ROBO2: variants seen among roughly 807,000 people sequenced by gnomAD.
ROBO2 encodes roundabout guidance receptor 2, also known as roundabout homolog 2.
In ROBO2, 53 loss-of-function variants were observed where a neutral mutation model predicts 160.8. The ratio of observed to expected loss-of-function variants is 0.33; its 90% CI spans 0.26 to 0.41. The LOEUF is 0.41. Ranked by LOEUF, ROBO2 falls within the 10% of genes least tolerant of loss-of-function variation. ROBO2 has a pLI of 1.00. For synonymous variants in ROBO2, 664 were observed against 611.7 expected (o/e 1.09, Z -1.26); for missense variants, 1,577 against 1,722.4 (o/e 0.92, Z 1.49).
chr3:77,078,909 T>C (rs2068312701), intron 1 of ROBO2, among the ~76,000 whole-genome samples: 2 of 152,130 alleles, frequency 1.3e-5, no homozygotes, highest in Admixed American at 6.6e-5. Flanking sequence ...CTTGCCAGAA[T>C]TGTAGAAATA....
chr3:76,686,800 A>G (rs904163371), intron 2 of ROBO2, among the ~76,000 whole-genome samples: 2 of 152,128 alleles, frequency 1.3e-5, no homozygotes, highest in African/African-American at 4.8e-5. Context: ...ATCTCAAAAA[A>G]GAAAAAGAAA....
At chr3:77,145,499 G>A (rs1157566157) in intron 2 of ROBO2, among the ~76,000 whole-genome samples, 1 of 152,024 alleles carries the variant, frequency 6.6e-6, no homozygotes, top group Non-Finnish European at 1.5e-5. Flanking sequence ...ATTAACAGAG[G>A]CATTATTTTT....
At chr3:77,322,715 G>T (rs2064849486) in intron 2 of ROBO2, among the ~76,000 whole-genome samples, 1 of 143,380 alleles carries the variant, frequency 7.0e-6, no homozygotes, top group South Asian at 2.1e-4. Context: ...TATGAAACAA[G>T]AACATAGGTC....
At chr3:77,248,609 C>G (rs1304181385) in intron 2 of ROBO2, among the ~76,000 whole-genome samples, 1 of 152,154 alleles carries the variant, frequency 6.6e-6, no homozygotes, top group African/African-American at 2.4e-5. Flanking sequence ...CCAGCTCCTG[C>G]GCTCGCTCAC....
At chr3:76,133,531 G>A (rs1401344952) in intron 2 of ROBO2, among the ~76,000 whole-genome samples, 5 of 152,030 alleles carry the variant, frequency 3.3e-5, no homozygotes, top group Admixed American at 6.6e-5. Context: ...ACAACAGGCC[G>A]TCTGCAAGCT....
At chr3:77,257,275 T>C (rs1321332475) in intron 2 of ROBO2, among the ~76,000 whole-genome samples, 1 of 152,178 alleles carries the variant, frequency 6.6e-6, no homozygotes, top group African/African-American at 2.4e-5. Context: ...AAACAAGATA[T>C]AGCCCAGTGG....
intron 2 of ROBO2, among the ~76,000 whole-genome samples, chr3:76,633,658 T>C (rs2090155273): frequency 6.6e-6 from 1 of 152,192 alleles, no homozygotes; most frequent in Admixed American, 6.5e-5. Flanking sequence ...CTTTCTTCCA[T>C]GGAATGTAGG....
intron 2 of ROBO2, among the ~76,000 whole-genome samples, chr3:76,780,268 G>A (rs1360183241): frequency 6.7e-6 from 1 of 149,032 alleles, no homozygotes; most frequent in Non-Finnish European, 1.5e-5. Context: ...GAGTTTTGTT[G>A]GTTTTGTTTT....
intron 12 of ROBO2, among the ~76,000 whole-genome samples, chr3:77,566,535 C>T (rs530345300): frequency 2.0e-5 from 3 of 152,066 alleles, no homozygotes; most frequent in African/African-American, 7.2e-5. Flanking sequence ...TACCTTTGTG[C>T]ATAGAAATAG....
At chr3:76,017,923 G>A (rs764488578) in intron 2 of ROBO2, among the ~76,000 whole-genome samples, 2 of 152,026 alleles carry the variant, frequency 1.3e-5, no homozygotes, top group Admixed American at 1.3e-4. Flanking sequence ...CCTTTTTAAT[G>A]TGAAGAAAAA....
At chr3:77,042,855 A>G (rs1014241433) in intron 1 of ROBO2, among the ~76,000 whole-genome samples, 4 of 152,176 alleles carry the variant, frequency 2.6e-5, no homozygotes, top group African/African-American at 9.7e-5. Flanking sequence ...CTGGGCCACA[A>G]TTATGCAGCA....
chr3:76,000,484 C>T (rs568666620), intron 2 of ROBO2, among the ~76,000 whole-genome samples: 24 of 130,994 alleles, frequency 1.8e-4, no homozygotes, highest in South Asian at 8.3e-4. Context: ...CATGATTGTG[C>T]GCTTATTTTT....
rs984824094 is a variant in ROBO2, at chr3:76,894,577, T to C, written c.110-203437T>C. 2.0e-5 allele frequency among the ~76,000 whole-genome samples: 3 copies of C among 152,126 alleles called. No homozygotes were observed. In the South Asian group the frequency reaches 6.2e-4, roughly 32 times the overall value. ...TTGCTTGTCATTGGTAGTATTGCCA[T>C]ATAAAAAGATATCTGACAAGGAAAT... On this transcript the variant is annotated intron_variant, in intron 2 of 26. Coordinates refer to the ROBO2 transcript ENST00000487694.
intron 2 of ROBO2, among the ~76,000 whole-genome samples, chr3:76,247,870 G>A (rs941683888): frequency 5.9e-5 from 9 of 151,304 alleles, no homozygotes; most frequent in African/African-American, 2.2e-4. Flanking sequence ...CATTTATGCA[G>A]CCAAAAAACA....
intron 2 of ROBO2, among the ~76,000 whole-genome samples, chr3:75,941,899 C>A (rs1352885736): frequency 6.6e-6 from 1 of 152,080 alleles, no homozygotes; most frequent in Non-Finnish European, 1.5e-5. Flanking sequence ...CATTGTTACA[C>A]ATCCAAGTTT....
exon 26 of ROBO2, chr3:77,646,095 T>C: frequency 1.3e-6 from 2 of 1,556,058 alleles, no homozygotes; most frequent in Non-Finnish European, 1.8e-6. Context: ...TGAAGGACCA[T>C]CAGGTCCGGA....
At chr3:76,407,771 AGC>A (rs1183845295) in intron 2 of ROBO2, among the ~76,000 whole-genome samples, 10 of 152,068 alleles carry the variant, frequency 6.6e-5, no homozygotes, top group Non-Finnish European at 8.8e-5. Context: ...TTTTAAGGGA[AGC>A]ATGTGTTATA....
At chr3:76,628,779 T>C (rs72886462) in intron 2 of ROBO2, among the ~76,000 whole-genome samples, 3,052 of 152,312 alleles carry the variant, frequency 0.02, 94 homozygotes, top group African/African-American at 0.069. Flanking sequence ...GTTTTTGCCA[T>C]TGTTCATCTG....
Position 77,410,783 on chromosome 3 carries a change from C to T in ROBO2, c.389-66631C>T, listed in dbSNP as rs188327159. Among the ~76,000 whole-genome samples, 796 of 148,162 alleles carry T rather than the reference C, an allele frequency of 5.4e-3. 5 individuals carry two copies. The highest frequency in any genetic ancestry group is 0.012 in the South Asian group (56 of 4,492). On this transcript the variant is annotated intron_variant, in intron 2 of 25. Transcript: ENST00000461745. ...CCTCCTCCTCCTCTTCCTCTTCCTC[C>T]TCCTCCTCCCCCTCCCTCTCCTCCT...
Sources: allele counts gnomAD v4.1 joint callset (sites outside exome capture counted in the v4.1 genomes callset), GRCh38; gene constraint gnomAD v4.1.1; transcripts MANE v1.5; gene names NCBI Gene and HGNC (gene_info 2026-07-23, HGNC 2026-07-21).